BICD1: variants seen among roughly 807,000 people sequenced by gnomAD.
The protein encoded by BICD1 is protein bicaudal D homolog 1.
Under a neutral mutation model 92.5 loss-of-function variants are expected in BICD1, and 35 were observed. The ratio of observed to expected loss-of-function variants is 0.38; its 90% CI spans 0.29 to 0.50. The LOEUF is 0.50. Ranked by LOEUF, BICD1 falls within the 20% of genes least tolerant of loss-of-function variation. The pLI is 0.93. For missense variants in BICD1, 950 were observed against 1,189.8 expected (o/e 0.80, Z 2.97); for synonymous variants, 429 against 465.1 (o/e 0.92, Z 1.00).
intron 1 of BICD1, chr12:32,107,919 A>G: frequency 1.8e-6 from 1 of 552,212 alleles, no homozygotes; most frequent in East Asian, 3.2e-5. Flanking sequence ...TAGTCCACAA[A>G]AGTGATGAGG....
At chr12:32,242,215 CAAAAAAAAAAAAAA>C (rs4001812) in intron 2 of BICD1, among the ~76,000 whole-genome samples, 1 of 47,716 alleles carries the variant, frequency 2.1e-5, no homozygotes, top group South Asian at 1.1e-3. Flanking sequence ...GACCCTGTCT[CAAAAAAAAAAAAAA>C]AAAAAAAAAA....
intron 2 of BICD1, among the ~76,000 whole-genome samples, chr12:32,226,880 A>T (rs1158827627): frequency 6.6e-6 from 1 of 152,204 alleles, no homozygotes; most frequent in Non-Finnish European, 1.5e-5. Context: ...GCTCTTCGCC[A>T]GTGTGCCTGG....
chr12:32,357,213 A>T (rs1293303957), intron 8 of BICD1, among the ~76,000 whole-genome samples: 1 of 152,002 alleles, frequency 6.6e-6, no homozygotes, highest in African/African-American at 2.4e-5. Context: ...GGGTTTCACC[A>T]TGTTGGCCAG....
At chr12:32,140,006 G>C (rs1250512428) in intron 1 of BICD1, among the ~76,000 whole-genome samples, 1 of 152,212 alleles carries the variant, frequency 6.6e-6, no homozygotes, top group African/African-American at 2.4e-5. Context: ...GCAGCTCTCT[G>C]TTCAGTGGCT....
chr12:32,327,388 C>T (rs1274997012), intron 4 of BICD1, 73 bp from the exon 5 acceptor site: 18 of 1,507,082 alleles, frequency 1.2e-5, no homozygotes, highest in East Asian at 4.6e-5. Context: ...TATACATGCC[C>T]GACTGTGAAT....
At chr12:32,253,849 C>T (rs1209783190) in intron 2 of BICD1, among the ~76,000 whole-genome samples, 6 of 150,074 alleles carry the variant, frequency 4.0e-5, no homozygotes, top group South Asian at 2.1e-4. Flanking sequence ...ATAATCACTG[C>T]CGTATCCCAC....
In BICD1 at chr12:32,367,691, C is replaced by T. The variant is rs1309332367; in HGVS notation, c.2786C>T (p.Ser929Phe). Residue 929 changes from serine (S) to phenylalanine (F), a missense_variant, in exon 9 of 10, where the codon TCC (serine) becomes TTC (phenylalanine). Ser to Phe is a radical substitution (Grantham distance 155, BLOSUM62 -2). Coordinates refer to ENST00000652176, the MANE Select transcript of BICD1 (RefSeq NM_001714.4). ...GTAGATTGTCAGCAGCCTGCTGCCT[C>T]CGTACCGCCACAGTGCTCACAACTA... ...APPDCQQPAA[S>F]VPPQCSQLAG... 2 of 1,614,012 alleles carry T rather than the reference C, an allele frequency of 1.2e-6. No individual in the cohort carries two copies. Among genetic ancestry groups the T allele is most frequent in the African/African-American group, 1.3e-5 (1 of 74,950 alleles).
chr12:32,225,736 T>G (rs1945669625), intron 2 of BICD1, among the ~76,000 whole-genome samples: 1 of 151,020 alleles, frequency 6.6e-6, no homozygotes, highest in African/African-American at 2.4e-5. Context: ...TTTTCCTGCC[T>G]TAGCCTCCCG....
intron 1 of BICD1, among the ~76,000 whole-genome samples, chr12:32,116,968 T>C (rs1215727155): frequency 7.1e-6 from 1 of 140,190 alleles, no homozygotes; most frequent in Non-Finnish European, 1.6e-5. Flanking sequence ...TCATATTTTC[T>C]GATCTCACCT....
chr12:32,161,997 C>G (rs1410158524), intron 1 of BICD1, among the ~76,000 whole-genome samples: 1 of 152,132 alleles, frequency 6.6e-6, no homozygotes, highest in Non-Finnish European at 1.5e-5. Flanking sequence ...CCAGAACCAG[C>G]AAAGGAATGC....
At chr12:32,256,597 C>G (rs559605137) in intron 2 of BICD1, among the ~76,000 whole-genome samples, 2 of 152,132 alleles carry the variant, frequency 1.3e-5, no homozygotes, top group South Asian at 4.1e-4. Context: ...AAAAATTGAA[C>G]AAATAATAGA....
chr12:32,232,293 G>A (rs1247374546), intron 2 of BICD1, among the ~76,000 whole-genome samples: 1 of 150,162 alleles, frequency 6.7e-6, no homozygotes, highest in Non-Finnish European at 1.5e-5. Flanking sequence ...ACTGGTGTGA[G>A]ATGGTATCTC....
At chr12:32,192,170 G>A (rs929923697) in intron 1 of BICD1, among the ~76,000 whole-genome samples, 42 of 152,094 alleles carry the variant, frequency 2.8e-4, no homozygotes, top group African/African-American at 9.4e-4. Context: ...GGTGGCTCAC[G>A]CCTGTAATCC....
intron 4 of BICD1, among the ~76,000 whole-genome samples, chr12:32,306,874 G>A (rs1171218209): frequency 7.7e-6 from 1 of 130,130 alleles, no homozygotes; most frequent in Non-Finnish European, 1.7e-5. Context: ...AAATTAGCTG[G>A]ACGTGGTGGT....
At chr12:32,153,661 T>C (rs1490095263) in intron 1 of BICD1, among the ~76,000 whole-genome samples, 1 of 151,602 alleles carries the variant, frequency 6.6e-6, no homozygotes, top group African/African-American at 2.4e-5. Flanking sequence ...GAGGCTGAGG[T>C]GGGAGGCTGG....
chr12:32,186,061 G>A (rs1944416483), intron 1 of BICD1, among the ~76,000 whole-genome samples: 2 of 152,196 alleles, frequency 1.3e-5, no homozygotes, highest in African/African-American at 2.4e-5. Flanking sequence ...GCTGCATAGA[G>A]GCAATGTTTC....
At chr12:32,169,655 A>C (rs1943877158) in intron 1 of BICD1, among the ~76,000 whole-genome samples, 1 of 152,334 alleles carries the variant, frequency 6.6e-6, no homozygotes, top group African/African-American at 2.4e-5. Flanking sequence ...CACACTTTGA[A>C]AAATTATTTC....
intron 3 of BICD1, among the ~76,000 whole-genome samples, chr12:32,295,082 GAAAAAA>G (rs10647988): frequency 1.1e-4 from 11 of 103,496 alleles, no homozygotes; most frequent in Non-Finnish European, 2.1e-4. Context: ...ATTCCGTCTC[GAAAAAA>G]AAAAAAAAAA....
intron 4 of BICD1, among the ~76,000 whole-genome samples, chr12:32,309,008 C>T (rs759373859): frequency 2.0e-5 from 3 of 151,954 alleles, no homozygotes; most frequent in South Asian, 4.2e-4. Context: ...TTGTAATCAG[C>T]GTTTTTAAAA....
Sources: allele counts gnomAD v4.1 joint callset (sites outside exome capture counted in the v4.1 genomes callset), GRCh38; gene constraint gnomAD v4.1.1; transcripts MANE v1.5; gene names NCBI Gene and HGNC (gene_info 2026-07-23, HGNC 2026-07-21).